The following MACROH2A2 variants were observed in gnomAD, a reference collection of about 807,000 sequenced individuals.
MACROH2A2 encodes macroH2A.2 histone.
Under a neutral mutation model 37.6 loss-of-function variants are expected in MACROH2A2, and 6 were observed. The ratio of observed to expected loss-of-function variants is 0.16; its 90% CI spans 0.09 to 0.32. The LOEUF is 0.32. Ranked by LOEUF, MACROH2A2 falls within the 10% of genes least tolerant of loss-of-function variation. The probability of loss-of-function intolerance (pLI) is 1.00; values close to 1 mark genes in which losing one functional copy is unlikely to be tolerated. For synonymous variants in MACROH2A2, 192 were observed against 202.7 expected, an observed-to-expected ratio of 0.95 and a Z score of 0.45; for missense variants, 290 against 485.9, an observed-to-expected ratio of 0.60 and a Z score of 3.79.
At chr10:70,108,162 C>T (rs1329500826) in intron 7 of MACROH2A2, among the ~76,000 whole-genome samples, 5 of 152,002 alleles carry the variant, frequency 3.3e-5, no homozygotes, top group African/African-American at 1.2e-4. Flanking sequence ...GAGCTGAGAT[C>T]GCACCACTGC....
At chr10:70,078,165 C>T (rs1157605477) in intron 2 of MACROH2A2, among the ~76,000 whole-genome samples, 1 of 152,240 alleles carries the variant, frequency 6.6e-6, no homozygotes, top group Non-Finnish European at 1.5e-5. Context: ...ATAAACGAAG[C>T]TTACCTCTTC....
At chr10:70,080,227 C>A (rs1371262683) in intron 2 of MACROH2A2, among the ~76,000 whole-genome samples, 2 of 150,916 alleles carry the variant, frequency 1.3e-5, no homozygotes, top group Non-Finnish European at 2.9e-5. Context: ...TGTGGTGAGC[C>A]GAGATCGCGT....
At chr10:70,073,305 G>A (rs1452939054) in intron 1 of MACROH2A2, among the ~76,000 whole-genome samples, 1 of 152,160 alleles carries the variant, frequency 6.6e-6, no homozygotes, top group East Asian at 1.9e-4. Context: ...CTTCCTCAAA[G>A]AGAAAACCCC....
chr10:70,064,388 A>G (rs1358405645), intron 1 of MACROH2A2, among the ~76,000 whole-genome samples: 2 of 152,208 alleles, frequency 1.3e-5, no homozygotes, highest in Admixed American at 1.3e-4. Flanking sequence ...TTAAAAAACT[A>G]CAAGGCACAC....
chr10:70,058,950 A>C (rs1005871252), intron 1 of MACROH2A2, among the ~76,000 whole-genome samples: 1 of 150,704 alleles, frequency 6.6e-6, no homozygotes, highest in Non-Finnish European at 1.5e-5. Flanking sequence ...TTTTCACCTC[A>C]GCTGTTCCAT....
chr10:70,085,361 A>T (rs2072205000), intron 2 of MACROH2A2, among the ~76,000 whole-genome samples: 1 of 152,182 alleles, frequency 6.6e-6, no homozygotes, highest in Non-Finnish European at 1.5e-5. Context: ...AGCTGGAGCC[A>T]TGAGTCCAGT....
rs892852244 is a variant in MACROH2A2, at chr10:70,075,261, C to T, written c.-59-339C>T. Among the ~76,000 whole-genome samples the T allele has an allele frequency of 5.9e-5, 9 of 152,262 alleles. No individual in the cohort carries two copies. The highest frequency in any genetic ancestry group is 1.3e-4 in the Non-Finnish European group (9 of 68,048). On this transcript the variant is annotated intron_variant, in intron 1 of 8. Coordinates refer to ENST00000373255, the MANE Select transcript of MACROH2A2 (RefSeq NM_018649.3). This position sits in a 1 kb window ranked among gnomAD's most constrained non-coding sequence, Gnocchi z 5.0. ...GCAAAGTCTCTGTCATATAAGATAA[C>T]AGTCACAGGTTCTGGGGATGAGGAA...
At chr10:70,060,271 G>C (rs1357042079) in intron 1 of MACROH2A2, among the ~76,000 whole-genome samples, 1 of 152,018 alleles carries the variant, frequency 6.6e-6, no homozygotes, top group Non-Finnish European at 1.5e-5. Flanking sequence ...TTGGGAGGCT[G>C]AGGCAGGAGA....
intron 2 of MACROH2A2, among the ~76,000 whole-genome samples, chr10:70,088,829 C>A (rs1377211125): frequency 1.3e-5 from 2 of 152,200 alleles, no homozygotes; most frequent in Non-Finnish European, 2.9e-5. Flanking sequence ...GTCAACCAGG[C>A]GCAGTGGCTC....
Position 70,075,848 on chromosome 10 carries a change from AG to A in MACROH2A2, c.172+20del, listed in dbSNP as rs745381440. On this transcript the variant is annotated intron_variant, in intron 2 of 8. Coordinates refer to ENST00000373255, the MANE Select transcript of MACROH2A2 (RefSeq NM_018649.3). This position sits in a 1 kb window ranked among gnomAD's most constrained non-coding sequence, Gnocchi z 5.0. ...CCTGGCAGGTAATGAGGACACGCAA[AG>A]GAGGCTGCCTGCTCCCAGGTCCCCA... 12 of 1,606,764 alleles carry A rather than the reference AG, an allele frequency of 7.5e-6. No individual in the cohort carries two copies. In the South Asian group the frequency reaches 1.3e-4, roughly 18 times the overall value.
intron 3 of MACROH2A2, 53 bp downstream of exon 3, chr10:70,090,219 A>C (rs1029723804): frequency 1.1e-5 from 13 of 1,181,726 alleles, no homozygotes; most frequent in Admixed American, 3.4e-5. Context: ...AAACATGCTA[A>C]TGTGTGGGCC....
chr10:70,093,609 A>G (rs1373233799), intron 4 of MACROH2A2, 126 bp from the exon 5 acceptor site: 1 of 615,768 alleles, frequency 1.6e-6, no homozygotes, highest in South Asian at 2.1e-5. Flanking sequence ...AAGAAACAGC[A>G]GAACACATCA....
intron 2 of MACROH2A2, among the ~76,000 whole-genome samples, chr10:70,081,603 C>A (rs1428475532): frequency 1.3e-5 from 2 of 152,166 alleles, no homozygotes; most frequent in South Asian, 2.1e-4. Context: ...CAGACAAGGA[C>A]AACAGATCTA....
At chr10:70,062,614 G>A (rs930950058) in intron 1 of MACROH2A2, among the ~76,000 whole-genome samples, 2 of 152,074 alleles carry the variant, frequency 1.3e-5, no homozygotes, top group African/African-American at 2.4e-5. Context: ...AAAATAAGCC[G>A]TCTCGTGAGT....
intron 6 of MACROH2A2, among the ~76,000 whole-genome samples, chr10:70,097,226 GA>G (rs918179683): frequency 2.6e-5 from 4 of 152,078 alleles, no homozygotes; most frequent in Non-Finnish European, 5.9e-5. Flanking sequence ...GGCCTGCCTG[GA>G]CTGTCCCAGC....
chr10:70,058,923 A>G (rs1000056718), intron 1 of MACROH2A2, among the ~76,000 whole-genome samples: 7 of 151,656 alleles, frequency 4.6e-5, no homozygotes, highest in African/African-American at 1.7e-4. Flanking sequence ...CAACAACCCT[A>G]TCACGACTAA....
chr10:70,103,946 C>T (rs2072320957), intron 7 of MACROH2A2, among the ~76,000 whole-genome samples: 1 of 152,148 alleles, frequency 6.6e-6, no homozygotes, highest in South Asian at 2.1e-4. Context: ...GGCAGCAATC[C>T]AGACACTAGC....
At chr10:70,110,731 A>T (rs1213442255) in intron 8 of MACROH2A2, among the ~76,000 whole-genome samples, 3 of 129,578 alleles carry the variant, frequency 2.3e-5, no homozygotes, top group Admixed American at 7.6e-5. Context: ...AAAAAATTTA[A>T]AAAAAAAAAT....
At chr10:70,080,829 G>A (rs2072171389) in intron 2 of MACROH2A2, among the ~76,000 whole-genome samples, 2 of 132,926 alleles carry the variant, frequency 1.5e-5, no homozygotes, top group Admixed American at 1.7e-4. Flanking sequence ...AGGTTGCAGT[G>A]AGCCAAGATC....
Sources: allele counts gnomAD v4.1 joint callset (sites outside exome capture counted in the v4.1 genomes callset), GRCh38; gene constraint gnomAD v4.1.1; non-coding constraint Gnocchi (gnomAD v3.1); transcripts MANE v1.5; gene names NCBI Gene and HGNC (gene_info 2026-07-23, HGNC 2026-07-21).